The following CEMIP variants were observed in gnomAD, a reference collection of about 807,000 sequenced individuals.
The protein encoded by CEMIP is cell migration-inducing and hyaluronan-binding protein.
In CEMIP, 105 loss-of-function variants were observed where a neutral mutation model predicts 156.9. The observed-to-expected ratio is 0.67, with a 90% CI of 0.57 to 0.79. CEMIP has a LOEUF of 0.79. Ranked by LOEUF, CEMIP falls within the 30% of genes least tolerant of loss-of-function variation. The pLI is 0.00. For missense variants in CEMIP, 1,457 were observed against 1,769.4 expected (o/e 0.82, Z 3.17); for synonymous variants, 676 against 668.4 (o/e 1.01, Z -0.17).
intron 1 of CEMIP, among the ~76,000 whole-genome samples, chr15:80,872,682 G>A (rs1418235661): frequency 6.6e-6 from 1 of 152,164 alleles, no homozygotes; most frequent in East Asian, 1.9e-4. Context: ...AGGTGTGGTG[G>A]TGCATGCCTG....
intron 3 of CEMIP, among the ~76,000 whole-genome samples, chr15:80,876,660 T>C (rs918364115): frequency 2.0e-5 from 3 of 152,208 alleles, no homozygotes; most frequent in African/African-American, 7.2e-5. Flanking sequence ...GCCTGCACTC[T>C]GCTTTGCAGA....
At chr15:80,869,275 G>C (rs764663051) in intron 1 of CEMIP, among the ~76,000 whole-genome samples, 17 of 152,180 alleles carry the variant, frequency 1.1e-4, no homozygotes, top group Non-Finnish European at 2.1e-4. Flanking sequence ...ACATTCTGAG[G>C]TGCTGGGGGA....
intron 11 of CEMIP, 151 bp from the exon 12 acceptor site, chr15:80,895,718 C>T: frequency 2.7e-6 from 2 of 734,408 alleles, no homozygotes; most frequent in South Asian, 3.0e-5. Context: ...AAACCTTTAC[C>T]AAGAGTGGGA....
At chr15:80,926,822 G>T (rs542795427) in intron 19 of CEMIP, among the ~76,000 whole-genome samples, 14 of 126,128 alleles carry the variant, frequency 1.1e-4, no homozygotes, top group Admixed American at 3.0e-4. Flanking sequence ...GAGCGGGTGG[G>T]GGGGGGGGGT....
chr15:80,794,708 G>A (rs1411923336), intron 1 of CEMIP, among the ~76,000 whole-genome samples: 1 of 152,162 alleles, frequency 6.6e-6, no homozygotes, highest in African/African-American at 2.4e-5. Flanking sequence ...ATTCGGACCT[G>A]CCATGTTTCC....
intron 24 of CEMIP, among the ~76,000 whole-genome samples, chr15:80,937,131 G>C (rs1401584103): frequency 1.3e-5 from 2 of 152,222 alleles, no homozygotes; most frequent in Non-Finnish European, 2.9e-5. Context: ...TCTTTGAGTT[G>C]AGGATAGTAT....
At chr15:80,852,116 A>T (rs1379134436) in intron 1 of CEMIP, among the ~76,000 whole-genome samples, 2 of 152,200 alleles carry the variant, frequency 1.3e-5, no homozygotes, top group Non-Finnish European at 2.9e-5. Flanking sequence ...TTGAGAGTTC[A>T]CTGCTGTCTT....
chr15:80,911,623 G>A (rs1900057079), intron 14 of CEMIP, among the ~76,000 whole-genome samples: 1 of 152,160 alleles, frequency 6.6e-6, no homozygotes, highest in Admixed American at 6.5e-5. Flanking sequence ...CAAGCTACTT[G>A]ACCAGGCAGG....
intron 19 of CEMIP, among the ~76,000 whole-genome samples, chr15:80,926,813 AGCGGGT>A (rs1235101118): frequency 5.6e-4 from 12 of 21,508 alleles, no homozygotes; most frequent in African/African-American, 1.0e-3. Flanking sequence ...AGAGAGACTG[AGCGGGT>A]GGGGGGGGGG....
At chr15:80,861,066 A>G (rs185708763) in intron 1 of CEMIP, among the ~76,000 whole-genome samples, 1 of 152,160 alleles carries the variant, frequency 6.6e-6, no homozygotes, top group African/African-American at 2.4e-5. Flanking sequence ...TTCCTCCTGT[A>G]ACCCCTGTCT....
At chr15:80,861,867 C>T (rs911045936) in intron 1 of CEMIP, among the ~76,000 whole-genome samples, 2 of 152,228 alleles carry the variant, frequency 1.3e-5, no homozygotes, top group Non-Finnish European at 2.9e-5. Flanking sequence ...TTGGGTAGCT[C>T]CAAGTTCTGA....
At position 80,845,287 on chromosome 15, in the gene CEMIP, C is replaced by T. The variant is rs144905296; in HGVS notation, c.-175-28251C>T. On this transcript the variant is annotated intron_variant, in intron 1 of 29. Transcript: ENST00000394685. ...CTTCACAAAAAATTTAAAATTTAGC[C>T]AGGCGTGGTGGTGCATGCCTTTGGT... 1.8e-4 allele frequency among the ~76,000 whole-genome samples: 28 copies of T among 152,166 alleles called. No individual in the cohort carries two copies. In the East Asian group the frequency reaches 5.2e-3, roughly 28 times the overall value.
chr15:80,819,615 C>A (rs1507664), intron 1 of CEMIP, among the ~76,000 whole-genome samples: 45,075 of 152,006 alleles, frequency 0.3, 6,773 homozygotes, highest in South Asian at 0.37. Context: ...CCCTCTACAG[C>A]ATTCATAAAC....
intron 18 of CEMIP, 29 bp from the exon 19 acceptor site, chr15:80,925,595 C>A (rs1250166872): frequency 6.2e-7 from 1 of 1,609,386 alleles, no homozygotes; most frequent in East Asian, 2.2e-5. Context: ...AACACCGCCA[C>A]CTGTGCCCTC....
At chr15:80,836,150 C>T (rs1261052774) in intron 1 of CEMIP, among the ~76,000 whole-genome samples, 1 of 151,426 alleles carries the variant, frequency 6.6e-6, no homozygotes, top group Non-Finnish European at 1.5e-5. Flanking sequence ...AATTTCTCCA[C>T]CCTATCCACT....
intron 3 of CEMIP, among the ~76,000 whole-genome samples, chr15:80,876,577 G>A (rs1487801185): frequency 6.6e-6 from 1 of 152,250 alleles, no homozygotes; most frequent in Non-Finnish European, 1.5e-5. Flanking sequence ...GCAAGGCAGA[G>A]GGAGCCTAGA....
chr15:80,827,529 G>C (rs933027371), intron 1 of CEMIP, among the ~76,000 whole-genome samples: 1 of 152,076 alleles, frequency 6.6e-6, no homozygotes, highest in Non-Finnish European at 1.5e-5. Context: ...TGAGGCAGGA[G>C]AAACTCTTGA....
At position 80,887,729 on chromosome 15, in the gene CEMIP, C is replaced by T. The variant is rs562479615; in HGVS notation, c.833C>T (p.Pro278Leu). 3.1e-6 allele frequency: 5 copies of T among 1,613,394 alleles called. No homozygotes were observed. In the South Asian group the frequency reaches 4.4e-5, roughly 14 times the overall value. ...PWSFLTVKGN[P>L]SSSVEDHIEY... The stretch of plus-strand genomic sequence containing the variant: ...AGTTTTCTAACTGTGAAAGGAAATC[C>T]ATCATCTTCAGTGGAAGACCATATT... The change falls in exon 8 of 30, where the codon CCA becomes CTA. Residue 278 changes from proline (P) to leucine (L), a missense_variant. Physicochemically the swap from Pro to Leu is moderately conservative, Grantham distance 98. Coordinates refer to ENST00000394685, the MANE Select transcript of CEMIP (RefSeq NM_001293298.2).
intron 3 of CEMIP, among the ~76,000 whole-genome samples, chr15:80,876,184 T>C (rs897175443): frequency 2.0e-5 from 3 of 152,202 alleles, no homozygotes; most frequent in Non-Finnish European, 4.4e-5. Flanking sequence ...ATTCACCACC[T>C]TGGAGCCTGA....
Sources: gnomAD v4.1 joint callset for allele counts (sites outside exome capture counted in the v4.1 genomes callset) on GRCh38, gnomAD v4.1.1 for gene constraint, MANE v1.5 for transcripts, NCBI Gene and HGNC (gene_info 2026-07-23, HGNC 2026-07-21) for gene names.